PRKCE: variants seen among roughly 807,000 people sequenced by gnomAD.
PRKCE encodes protein kinase C epsilon.
A neutral mutation model predicts 85.4 loss-of-function variants in PRKCE; 16 were observed. That is an observed-to-expected ratio of 0.19 (90% confidence interval 0.13 to 0.28). The LOEUF (loss-of-function observed/expected upper bound fraction) is 0.28, where lower values mean the gene tolerates loss of function less well. PRKCE is among the 10% of genes least tolerant of loss of function. The pLI, the probability that PRKCE is intolerant of heterozygous loss-of-function variation, is 1.00. For synonymous variants in PRKCE, 388 were observed against 371.5 expected (o/e 1.04, Z -0.51); for missense variants, 573 against 975.2 (o/e 0.59, Z 5.49).
chr2:46,000,677 G>A (rs1292959750), intron 6 of PRKCE, among the ~76,000 whole-genome samples: 1 of 151,378 alleles, frequency 6.6e-6, no homozygotes, highest in African/African-American at 2.4e-5. Flanking sequence ...ATGTACAAAA[G>A]TCTATCAACT....
chr2:45,757,500 C>G (rs1003750338), intron 1 of PRKCE, among the ~76,000 whole-genome samples: 3 of 151,670 alleles, frequency 2.0e-5, no homozygotes, highest in African/African-American at 7.3e-5. Context: ...GACTGTGTCT[C>G]TACAAAAAAT....
At chr2:46,092,818 A>C (rs563002796) in intron 11 of PRKCE, among the ~76,000 whole-genome samples, 5 of 152,122 alleles carry the variant, frequency 3.3e-5, no homozygotes, top group African/African-American at 1.2e-4. Context: ...TGTGTGCCTT[A>C]ATCTCTGGAA....
intron 11 of PRKCE, among the ~76,000 whole-genome samples, chr2:46,115,382 C>T (rs540568762): frequency 6.6e-6 from 1 of 152,254 alleles, no homozygotes; most frequent in African/African-American, 2.4e-5. Flanking sequence ...CAAAGAGAAG[C>T]ACATCTCATA....
At chr2:45,668,667 C>T (rs560727865) in intron 1 of PRKCE, among the ~76,000 whole-genome samples, 8 of 152,126 alleles carry the variant, frequency 5.3e-5, no homozygotes, top group Non-Finnish European at 8.8e-5. Flanking sequence ...TTCACCCTCT[C>T]GGTGCTAATG....
intron 1 of PRKCE, among the ~76,000 whole-genome samples, chr2:45,825,926 G>T (rs1173302641): frequency 6.6e-6 from 1 of 152,068 alleles, no homozygotes. Flanking sequence ...ATTTGGCAGG[G>T]ACGGGGGGAT....
chr2:45,864,240 T>C (rs1693400876), intron 2 of PRKCE, among the ~76,000 whole-genome samples: 1 of 152,134 alleles, frequency 6.6e-6, no homozygotes, highest in Admixed American at 6.5e-5. Context: ...TCTTCTGATA[T>C]TGCATGCAAA....
At chr2:46,057,203 A>T (rs902746690) in intron 10 of PRKCE, among the ~76,000 whole-genome samples, 1 of 152,168 alleles carries the variant, frequency 6.6e-6, no homozygotes, top group Non-Finnish European at 1.5e-5. Flanking sequence ...TGGAAGATCC[A>T]CTGTCTTCAT....
chr2:45,941,346 A>T (rs1699865734), intron 2 of PRKCE, among the ~76,000 whole-genome samples: 1 of 152,186 alleles, frequency 6.6e-6, no homozygotes, highest in African/African-American at 2.4e-5. Context: ...CAAATATTGG[A>T]TGGACATCAT....
intron 1 of PRKCE, among the ~76,000 whole-genome samples, chr2:45,762,620 A>G (rs915501093): frequency 3.3e-5 from 5 of 152,250 alleles, no homozygotes; most frequent in Non-Finnish European, 7.3e-5. Flanking sequence ...TCTAAAAGAT[A>G]CATGGAGAGT....
chr2:46,167,710 A>C, intron 14 of PRKCE: 1 of 151,884 alleles, frequency 6.6e-6, no homozygotes. Context: ...TTAGGATGGC[A>C]CCCCAAGTTC....
At chr2:45,755,181 A>G (rs1683900497) in intron 1 of PRKCE, among the ~76,000 whole-genome samples, 1 of 152,160 alleles carries the variant, frequency 6.6e-6, no homozygotes, top group African/African-American at 2.4e-5. Context: ...TGGCCACTCC[A>G]CATTGTATAA....
chr2:45,744,500 T>TTTCTTTCTTTC lies in PRKCE; in HGVS notation c.348+92054_348+92055insCTTTCTTTCTT, dbSNP rs1553397741. 3.5e-3 allele frequency among the ~76,000 whole-genome samples: 294 copies of TTTCTTTCTTTC among 84,658 alleles called. 8 individuals carry two copies. Among genetic ancestry groups the TTTCTTTCTTTC allele is most frequent in the African/African-American group, 7.3e-3 (127 of 17,376 alleles). The allele number at this position is 84,658 out of a possible 152,430, so 55.5% of individuals were successfully genotyped here. The stretch of plus-strand genomic sequence containing the variant: ...TTCTTTCTTTCTTTTTCTTTCTTTC[T>TTTCTTTCTTTC]TTTCTTTCTTTCTTTCTTTCTTTCT... On this transcript the variant is annotated intron_variant, in intron 1 of 14. Transcript: ENST00000306156.
intron 11 of PRKCE, among the ~76,000 whole-genome samples, chr2:46,098,319 C>G (rs1041464686): frequency 6.6e-6 from 1 of 151,110 alleles, no homozygotes; most frequent in African/African-American, 2.5e-5. Flanking sequence ...GGGGTTATTA[C>G]TCCCCCCCCA....
chr2:46,007,509 A>T lies in PRKCE; in HGVS notation c.1111A>T (p.Asn371Tyr). The change falls in exon 9 of 15, where the codon AAC becomes TAC. Residue 371 changes from asparagine (N) to tyrosine (Y), a missense_variant. Coordinates refer to ENST00000306156, the MANE Select transcript of PRKCE (RefSeq NM_005400.3). ...NNIRKALSFD[N>Y]RGEEHRAASS... ...CATTCGGAAAGCCTTGTCATTTGAC[A>T]ACCGAGGAGAGGAGCACCGGGCAGC... 6.3e-7 allele frequency: 1 copy of T among 1,599,806 alleles called. No homozygotes were observed. Among genetic ancestry groups the T allele is most frequent in the Non-Finnish European group, 8.5e-7 (1 of 1,179,966 alleles).
intron 1 of PRKCE, among the ~76,000 whole-genome samples, chr2:45,750,163 G>A (rs747429310): frequency 7.9e-5 from 12 of 152,240 alleles, no homozygotes; most frequent in African/African-American, 1.9e-4. Flanking sequence ...AAAATGTACC[G>A]TTAGTGAAAA....
In PRKCE at chr2:46,159,790, G is replaced by C. The variant is rs61759995; in HGVS notation, c.2067+38G>C. On this transcript the variant is annotated intron_variant, in intron 14 of 14. Transcript: ENST00000306156. This position sits in a 1 kb window ranked among gnomAD's most constrained non-coding sequence, Gnocchi z 4.1. The stretch of plus-strand genomic sequence containing the variant: ...CCGTGCACGTTCAGCACCATGGGTC[G>C]GGCCCAGGTACTTGCAGGACAGGCT... The C allele has an allele frequency of 6.3e-7, 1 of 1,595,194 alleles. No homozygotes were observed. The highest frequency in any genetic ancestry group is 1.7e-5 in the Admixed American group (1 of 59,074).
chr2:45,735,574 C>T (rs539561959), intron 1 of PRKCE, among the ~76,000 whole-genome samples: 2 of 152,172 alleles, frequency 1.3e-5, no homozygotes, highest in Non-Finnish European at 2.9e-5. Flanking sequence ...GAAGTGGTGC[C>T]GAGGTGCCTG....
intron 1 of PRKCE, among the ~76,000 whole-genome samples, chr2:45,739,171 A>C (rs1048190920): frequency 1.3e-5 from 2 of 152,236 alleles, no homozygotes; most frequent in Admixed American, 1.3e-4. Context: ...CTACAGAATG[A>C]TACGAGAGGG....
intron 2 of PRKCE, among the ~76,000 whole-genome samples, chr2:45,908,860 G>T (rs550026915): frequency 6.6e-6 from 1 of 152,140 alleles, no homozygotes; most frequent in Non-Finnish European, 1.5e-5. Context: ...CAGACAGGCT[G>T]TACAGTGGGC....
Sources: gnomAD v4.1 joint callset for allele counts (sites outside exome capture counted in the v4.1 genomes callset) on GRCh38, gnomAD v4.1.1 for gene constraint, Gnocchi (gnomAD v3.1) non-coding constraint, MANE v1.5 for transcripts, NCBI Gene and HGNC (gene_info 2026-07-23, HGNC 2026-07-21) for gene names.